The following TRPM7 variants were observed in gnomAD, a reference collection of about 807,000 sequenced individuals.
TRPM7 encodes transient receptor potential cation channel subfamily M member 7, also known as LTRPC ion channel family member 7.
A neutral mutation model predicts 229.7 loss-of-function variants in TRPM7; 134 were observed. The observed-to-expected ratio is 0.58, with a 90% CI of 0.51 to 0.67. The LOEUF is 0.67. Among genes scored for constraint, TRPM7 ranks in the 30% least tolerant of loss-of-function variants. TRPM7 has a pLI of 0.00. For synonymous variants in TRPM7, 699 were observed against 715.2 expected, an observed-to-expected ratio of 0.98 and a Z score of 0.36; for missense variants, 1,901 against 2,210.0, an observed-to-expected ratio of 0.86 and a Z score of 2.80.
chr15:50,615,365 T>C (rs530530659), intron 13 of TRPM7, among the ~76,000 whole-genome samples: 1 of 152,234 alleles, frequency 6.6e-6, no homozygotes, highest in South Asian at 2.1e-4. Flanking sequence ...TTTTATAGTG[T>C]TGTCCAGGAA....
intron 1 of TRPM7, among the ~76,000 whole-genome samples, chr15:50,682,206 C>CAAA (rs987007677): frequency 8.5e-5 from 10 of 117,892 alleles, no homozygotes; most frequent in African/African-American, 3.0e-4. Context: ...TGTGACCTGG[C>CAAA]AAAAATATGT....
At chr15:50,586,671 A>T in intron 27 of TRPM7, 183 bp from the exon 28 acceptor site, 3 of 466,930 alleles carry the variant, frequency 6.4e-6, no homozygotes, top group Non-Finnish European at 1.1e-5. Flanking sequence ...AGCTGCACCA[A>T]AACACCTTAT....
intron 12 of TRPM7, among the ~76,000 whole-genome samples, chr15:50,622,995 T>C (rs1342624626): frequency 1.3e-5 from 2 of 152,230 alleles, no homozygotes; most frequent in Non-Finnish European, 2.9e-5. Flanking sequence ...CCAAGCTTCA[T>C]GGAACCAGTG....
intron 20 of TRPM7, among the ~76,000 whole-genome samples, chr15:50,605,561 G>A (rs1407929884): frequency 6.6e-6 from 1 of 152,124 alleles, no homozygotes; most frequent in Admixed American, 6.5e-5. Context: ...TAAAACATAT[G>A]CCTCTTCTCC....
At chr15:50,670,229 T>C (rs1352979187) in intron 1 of TRPM7, among the ~76,000 whole-genome samples, 1 of 152,018 alleles carries the variant, frequency 6.6e-6, no homozygotes. Flanking sequence ...AAGGATTCTC[T>C]TATAAAAGAA....
chr15:50,589,862 G>GT (rs1293541857), intron 26 of TRPM7, among the ~76,000 whole-genome samples: 1 of 142,288 alleles, frequency 7.0e-6, no homozygotes, highest in Non-Finnish European at 1.5e-5. Flanking sequence ...TTTGTTTTTT[G>GT]TTTTTTTAAA....
intron 29 of TRPM7, among the ~76,000 whole-genome samples, chr15:50,581,964 C>T (rs1359782171): frequency 6.6e-6 from 1 of 151,900 alleles, no homozygotes; most frequent in African/African-American, 2.4e-5. Flanking sequence ...TTAACTCCCA[C>T]TGAGTGGGGT....
chr15:50,662,709 C>A (rs529590123), intron 2 of TRPM7, among the ~76,000 whole-genome samples: 1 of 152,248 alleles, frequency 6.6e-6, no homozygotes, highest in East Asian at 1.9e-4. Context: ...ACACTATGAT[C>A]TGAGGGAGTT....
At chr15:50,630,380 G>T (rs1380526200) in intron 10 of TRPM7, among the ~76,000 whole-genome samples, 1 of 151,950 alleles carries the variant, frequency 6.6e-6, no homozygotes, top group Non-Finnish European at 1.5e-5. Context: ...TAATGTGCTG[G>T]GCTCCTGGCA....
At chr15:50,565,143 A>G (rs2053538519) in intron 38 of TRPM7, among the ~76,000 whole-genome samples, 1 of 151,930 alleles carries the variant, frequency 6.6e-6, no homozygotes, top group African/African-American at 2.4e-5. Context: ...CACCACGCCC[A>G]GCTAATTTTT....
chr15:50,650,378 T>C (rs1237298371), intron 3 of TRPM7, among the ~76,000 whole-genome samples: 1 of 151,392 alleles, frequency 6.6e-6, no homozygotes, highest in African/African-American at 2.4e-5. Flanking sequence ...AAAAAAAGTA[T>C]CATTAAATTA....
intron 2 of TRPM7, among the ~76,000 whole-genome samples, chr15:50,660,228 A>G (rs2061689890): frequency 6.6e-6 from 1 of 152,208 alleles, no homozygotes; most frequent in Non-Finnish European, 1.5e-5. Flanking sequence ...AAGGTTATCT[A>G]TTTTAATGAT....
chr15:50,682,286 G>C (rs1443541287), intron 1 of TRPM7, among the ~76,000 whole-genome samples: 4 of 150,868 alleles, frequency 2.7e-5, no homozygotes, highest in African/African-American at 9.7e-5. Flanking sequence ...TCCTTTAACA[G>C]GGTTCTAAAA....
intron 1 of TRPM7, among the ~76,000 whole-genome samples, chr15:50,684,141 C>G (rs1416980960): frequency 6.6e-6 from 1 of 151,452 alleles, no homozygotes; most frequent in East Asian, 2.0e-4. Flanking sequence ...TTACTGCGCC[C>G]CACCTGATTA....
chr15:50,661,859 T>C (rs1220339837), intron 2 of TRPM7, among the ~76,000 whole-genome samples: 4 of 152,190 alleles, frequency 2.6e-5, no homozygotes, highest in Non-Finnish European at 5.9e-5. Flanking sequence ...AAAAGTGCTC[T>C]ATAGGTTAGG....
intron 21 of TRPM7, among the ~76,000 whole-genome samples, chr15:50,601,903 T>A (rs1452345600): frequency 6.6e-6 from 1 of 151,930 alleles, no homozygotes; most frequent in Non-Finnish European, 1.5e-5. Flanking sequence ...TTTTCAAAGC[T>A]GTTTCCTCTG....
intron 22 of TRPM7, among the ~76,000 whole-genome samples, chr15:50,598,710 C>T (rs574321656): frequency 1.3e-5 from 2 of 152,266 alleles, no homozygotes; most frequent in Admixed American, 6.5e-5. Flanking sequence ...TAAAGAGAAC[C>T]ATCGATAAAC....
At chr15:50,676,556 C>T (rs773203399) in intron 1 of TRPM7, among the ~76,000 whole-genome samples, 10 of 151,684 alleles carry the variant, frequency 6.6e-5, no homozygotes, top group East Asian at 1.9e-4. Flanking sequence ...TCATCTCTAT[C>T]GTTTAAATTT....
chr15:50,562,660 T>C (rs1227629329), intron 38 of TRPM7, among the ~76,000 whole-genome samples: 1 of 151,520 alleles, frequency 6.6e-6, no homozygotes, highest in Non-Finnish European at 1.5e-5. Context: ...TAGTCCCAGC[T>C]ACTCAGAAGG....
Sources: allele counts gnomAD v4.1 joint callset (sites outside exome capture counted in the v4.1 genomes callset), GRCh38; gene constraint gnomAD v4.1.1; transcripts MANE v1.5; gene names NCBI Gene and HGNC (gene_info 2026-07-23, HGNC 2026-07-21).